Variants in RBFOX1 observed in about 807,000 individuals in gnomAD.
The protein encoded by RBFOX1 is RNA binding protein fox-1 homolog 1.
In RBFOX1, 8 loss-of-function variants were observed where a neutral mutation model predicts 57.7. The ratio of observed to expected loss-of-function variants is 0.14; its 90% confidence interval spans 0.08 to 0.25. RBFOX1 has a LOEUF of 0.25. Among genes scored for constraint, RBFOX1 ranks in the 10% least tolerant of loss-of-function variants. The pLI is 1.00. For synonymous variants in RBFOX1, 326 were observed against 222.4 expected (o/e 1.47, Z -4.15); for missense variants, 611 against 548.5 (o/e 1.11, Z -1.14).
At chr16:5,859,775 A>G (rs1362996575) in intron 3 of RBFOX1, among the ~76,000 whole-genome samples, 1 of 152,234 alleles carries the variant, frequency 6.6e-6, no homozygotes, top group Non-Finnish European at 1.5e-5. Flanking sequence ...AGGCTAAGTC[A>G]CTTGTCATCA....
At chr16:7,185,633 C>G (rs1344234395) in intron 4 of RBFOX1, among the ~76,000 whole-genome samples, 1 of 152,174 alleles carries the variant, frequency 6.6e-6, no homozygotes, top group Admixed American at 6.5e-5. Flanking sequence ...ATTTGTGTGT[C>G]AGAATCATAA....
At chr16:6,734,549 A>G (rs569731330) in intron 3 of RBFOX1, among the ~76,000 whole-genome samples, 1 of 148,586 alleles carries the variant, frequency 6.7e-6, no homozygotes, top group South Asian at 2.3e-4. Flanking sequence ...TGGCCCAACT[A>G]GGAGTTCAGT....
At chr16:6,950,406 C>G (rs926289475) in intron 3 of RBFOX1, among the ~76,000 whole-genome samples, 3 of 152,240 alleles carry the variant, frequency 2.0e-5, no homozygotes, top group Admixed American at 2.0e-4. Context: ...ACTACACCAG[C>G]ATGCACTGAG....
At chr16:7,440,823 G>A (rs2149870845) in intron 4 of RBFOX1, among the ~76,000 whole-genome samples, 1 of 152,174 alleles carries the variant, frequency 6.6e-6, no homozygotes. Context: ...CCCTCAAGGG[G>A]GCTACAAGGA....
chr16:5,425,998 C>G (rs528834112), intron 1 of RBFOX1, among the ~76,000 whole-genome samples: 2 of 152,260 alleles, frequency 1.3e-5, no homozygotes, highest in South Asian at 2.1e-4. Context: ...GACAGGAAGT[C>G]TGGAGTGGAA....
At chr16:6,749,666 G>T (rs894908110) in intron 3 of RBFOX1, among the ~76,000 whole-genome samples, 1 of 152,092 alleles carries the variant, frequency 6.6e-6, no homozygotes, top group African/African-American at 2.4e-5. Flanking sequence ...TACATCAGGG[G>T]TAACAAATCT....
chr16:6,829,987 G>C (rs1290232609), intron 3 of RBFOX1, among the ~76,000 whole-genome samples: 3 of 152,020 alleles, frequency 2.0e-5, no homozygotes, highest in East Asian at 1.9e-4. Flanking sequence ...TGCAGTCTCA[G>C]CTCTCTGCCA....
intron 4 of RBFOX1, among the ~76,000 whole-genome samples, chr16:7,289,473 C>A (rs2095716804): frequency 6.6e-6 from 1 of 152,120 alleles, no homozygotes; most frequent in Admixed American, 6.5e-5. Flanking sequence ...TCACTGTCAC[C>A]ACCATTATGA....
intron 1 of RBFOX1, among the ~76,000 whole-genome samples, chr16:5,289,871 C>T (rs1384893972): frequency 2.0e-5 from 3 of 152,216 alleles, no homozygotes; most frequent in East Asian, 1.9e-4. Flanking sequence ...CACTTCTACT[C>T]CAGTTTATGA....
At chr16:6,954,950 G>C (rs560662444) in intron 3 of RBFOX1, among the ~76,000 whole-genome samples, 1 of 152,110 alleles carries the variant, frequency 6.6e-6, no homozygotes, top group South Asian at 2.1e-4. Context: ...TAATATGAAG[G>C]CTGGGTGTGG....
rs547185511 is a variant in RBFOX1 at position 5,755,647 on chromosome 16, A to G, written c.319-111656A>G. The stretch of plus-strand genomic sequence containing the variant: ...GTGTTTCACTCTTGTTGCCTAGGCT[A>G]GAGTACAAAGGTGCAATTTTGGCTC... On this transcript the variant is annotated intron_variant, in intron 3 of 19. Transcript: ENST00000641259. Among the ~76,000 whole-genome samples the G allele has an allele frequency of 1.8e-3, 267 of 152,294 alleles. 1 individual carries two copies. Among genetic ancestry groups the G allele is most frequent in the African/African-American group, 6.3e-3 (261 of 41,564 alleles).
intron 2 of RBFOX1, among the ~76,000 whole-genome samples, chr16:5,476,752 T>C (rs1471628634): frequency 6.6e-6 from 1 of 152,236 alleles, no homozygotes; most frequent in Non-Finnish European, 1.5e-5. Flanking sequence ...TGGGTGCCTC[T>C]GGGTTTGTGC....
At chr16:7,434,055 G>A (rs1249375445) in intron 4 of RBFOX1, among the ~76,000 whole-genome samples, 1 of 152,150 alleles carries the variant, frequency 6.6e-6, no homozygotes, top group African/African-American at 2.4e-5. Flanking sequence ...TGATCAGAAA[G>A]ACACTAAAAG....
intron 2 of RBFOX1, among the ~76,000 whole-genome samples, chr16:5,472,982 T>C (rs1268608791): frequency 2.0e-5 from 3 of 152,168 alleles, no homozygotes; most frequent in Non-Finnish European, 4.4e-5. Context: ...AGTCTGACAC[T>C]GACACCAGCT....
Position 5,984,965 on chromosome 16 carries a change from TA to T in RBFOX1, c.351+117631del, listed in dbSNP as rs1567221578. Among the ~76,000 whole-genome samples, 336 of 41,926 alleles carry T rather than the reference TA, an allele frequency of 8.0e-3. 2 individuals are homozygous for T. The highest frequency in any genetic ancestry group is 0.026 in the African/African-American group (264 of 10,342). 27.5% of individuals were successfully genotyped at this position (41,926 alleles called of 152,430 possible). A position where few individuals can be genotyped will look rare whatever the true frequency, so the allele number is the denominator to read the frequency against. On this transcript the variant is annotated intron_variant, in intron 4 of 19. Transcript: ENST00000641259. ...ACTCCATTATATATATATATATATA[TA>T]TATATATATATTTTTTTTTTTTTTT...
chr16:5,679,673 T>C lies in RBFOX1; in HGVS notation c.318+80712T>C, dbSNP rs111756584. On this transcript the variant is annotated intron_variant, in intron 3 of 19. Coordinates refer to the RBFOX1 transcript ENST00000641259. ...ATCAATTCTCTTTCATGAAGTCCTC[T>C]ACCCAATTATTACCTGGTAATGAAC... is the stretch of plus-strand genomic sequence containing the variant. Among the ~76,000 whole-genome samples, 248 of 152,348 alleles carry C rather than the reference T, an allele frequency of 1.6e-3. 2 individuals carry two copies. The highest frequency in any genetic ancestry group is 2.6e-3 in the Non-Finnish European group (175 of 68,042).
chr16:7,566,912 T>G (rs970308215), intron 5 of RBFOX1, among the ~76,000 whole-genome samples: 1 of 151,946 alleles, frequency 6.6e-6, no homozygotes, highest in Non-Finnish European at 1.5e-5. Flanking sequence ...TCCACAGTTT[T>G]CATAAAACCT....
chr16:5,801,470 A>G (rs575191411), intron 3 of RBFOX1, among the ~76,000 whole-genome samples: 1 of 152,076 alleles, frequency 6.6e-6, no homozygotes, highest in South Asian at 2.1e-4. Context: ...TTTTTGAGGC[A>G]GTAATATACT....
In RBFOX1 at chr16:6,780,306, TATATATTTATTC is replaced by T. The variant is rs2080630624; in HGVS notation, c.-16+125661_-16+125672del. On this transcript the variant is annotated intron_variant, in intron 3 of 15. Coordinates refer to ENST00000550418, the MANE Select transcript of RBFOX1 (RefSeq NM_018723.4). ...TTATACATATATATATTTATACATA[TATATATTTATTC>T]ATATTTATATATATTTATACATATT... Among the ~76,000 whole-genome samples the T allele has an allele frequency of 6.6e-5, 5 of 76,232 alleles. 1 individual carries two copies. The Admixed American group carries it at 1.3e-3, about 20-fold the overall frequency. The allele number at this position is 76,232 out of a possible 152,430, so 50.0% of individuals were successfully genotyped here.
Sources: allele counts gnomAD v4.1 joint callset (sites outside exome capture counted in the v4.1 genomes callset), GRCh38; gene constraint gnomAD v4.1.1; transcripts MANE v1.5; gene names NCBI Gene and HGNC (gene_info 2026-07-23, HGNC 2026-07-21).